The following IQANK1 variants were observed in gnomAD, a reference collection of about 807,000 sequenced individuals.
IQANK1 encodes the protein IQ motif and ankyrin repeat containing 1, also known as IQ motif and ankyrin repeat domain-containing protein 1.
Under a neutral mutation model 22.6 loss-of-function variants are expected in IQANK1, and 30 were observed. That is an observed-to-expected ratio of 1.33 (90% CI 0.99 to 1.80). The LOEUF (loss-of-function observed/expected upper bound fraction) is 1.80. IQANK1 is among the 40% of genes most tolerant of loss of function. IQANK1 has a pLI of 0.00. For missense variants in IQANK1, 275 were observed against 235.2 expected (o/e 1.17, Z -1.11); for synonymous variants, 122 against 99.6 (o/e 1.23, Z -1.34).
intron 3 of IQANK1, among the ~76,000 whole-genome samples, chr8:143,754,216 A>G (rs1290327113): frequency 1.3e-5 from 2 of 152,212 alleles, no homozygotes; most frequent in Non-Finnish European, 2.9e-5. Flanking sequence ...GGGAGGGGCC[A>G]TGACAATGGC....
intron 7 of IQANK1, among the ~76,000 whole-genome samples, chr8:143,787,145 G>A (rs190548087): frequency 2.7e-5 from 4 of 150,248 alleles, no homozygotes; most frequent in African/African-American, 4.9e-5. Flanking sequence ...GGCAGACGTG[G>A]GTTCAGTTTT....
intron 3 of IQANK1, among the ~76,000 whole-genome samples, chr8:143,749,599 A>AT (rs34038799): frequency 0.057 from 7,860 of 137,910 alleles, 352 homozygotes; most frequent in Non-Finnish European, 0.093. Context: ...TTATTTATTT[A>AT]TTTTTTTTTT....
chr8:143,769,248 A>T (rs1441593310), intron 3 of IQANK1, among the ~76,000 whole-genome samples: 1 of 152,048 alleles, frequency 6.6e-6, no homozygotes, highest in Non-Finnish European at 1.5e-5. Flanking sequence ...TTGTAGAGAC[A>T]GGGGTCTCCC....
chr8:143,748,796 T>A (rs1477433775), intron 3 of IQANK1, among the ~76,000 whole-genome samples: 2 of 114,916 alleles, frequency 1.7e-5, no homozygotes, highest in Non-Finnish European at 3.2e-5. Flanking sequence ...TATAAATATA[T>A]AAATATATAT....
intron 2 of IQANK1, among the ~76,000 whole-genome samples, chr8:143,738,656 C>T (rs1366909134): frequency 3.9e-5 from 6 of 152,230 alleles, no homozygotes; most frequent in East Asian, 1.9e-4. Context: ...TGCGCAGCAA[C>T]GGGCGTGCCT....
intron 7 of IQANK1, among the ~76,000 whole-genome samples, chr8:143,773,307 A>AAACAAAAAAAAC (rs797032966): frequency 0.037 from 5,277 of 143,264 alleles, 329 homozygotes; most frequent in African/African-American, 0.14. Context: ...ACTCAAAAAA[A>AAACAAAAAAAAC]AAAAAAAAAC....
rs57293834 is a variant in IQANK1, at chr8:143,775,823, C to CACACACACACA, written c.789+3341_789+3342insACACACACACA. Among the ~76,000 whole-genome samples, 55 of 140,938 alleles carry CACACACACACA rather than the reference C, an allele frequency of 3.9e-4. 2 individuals are homozygous for CACACACACACA. The highest frequency in any genetic ancestry group is 1.5e-3 in the African/African-American group (48 of 32,026). The allele number at this position is 140,938 out of a possible 152,430, so 92.5% of individuals were successfully genotyped here. A position where few individuals can be genotyped will look rare whatever the true frequency, so the allele number is the denominator to read the frequency against. On this transcript the variant is annotated intron_variant, in intron 7 of 13. Coordinates refer to ENST00000527139, the MANE Select transcript of IQANK1 (RefSeq NM_001381874.1). ...ACACACACACACACACACACACACACCATTCCTAAACTAGAGATGAAAACT... is the reference window on the plus strand; with the variant it reads ...ACACACACACACACACACACACACACACACACACACACATTCCTAAACTAGAGATGAAAACT...
chr8:143,743,841 T>C lies in IQANK1; in HGVS notation c.175+3893T>C, dbSNP rs1205051489. Reference sequence around the variant, plus strand: ...TAGTTTCTGAATACTTATTGGATTCTTTTTCTTTTTTTTTTGAGATGGAGT... The same window carrying C: ...TAGTTTCTGAATACTTATTGGATTCCTTTTCTTTTTTTTTTGAGATGGAGT... On this transcript the variant is annotated intron_variant, in intron 3 of 13. Transcript: ENST00000527139. 3 of 431,130 alleles carry C rather than the reference T, an allele frequency of 7.0e-6. No homozygotes were observed. In the East Asian group the frequency reaches 2.2e-4, roughly 31 times the overall value. 26.7% of individuals were successfully genotyped at this position (431,130 alleles called of 1,614,324 possible). A position where few individuals can be genotyped will look rare whatever the true frequency, so the allele number is the denominator to read the frequency against.
At chr8:143,789,363 C>A in intron 9 of IQANK1, 73 bp from the exon 10 acceptor site, 1 of 804,958 alleles carries the variant, frequency 1.2e-6, no homozygotes, top group Non-Finnish European at 1.7e-6. Context: ...TGTCCTCAGG[C>A]CCCTGGGCCA....
At chr8:143,787,819 C>T (rs570322935) in intron 7 of IQANK1, among the ~76,000 whole-genome samples, 3 of 151,978 alleles carry the variant, frequency 2.0e-5, no homozygotes, top group Admixed American at 1.3e-4. Context: ...GGAATGCGGC[C>T]GCTCACCCGC....
rs535780166 is a variant in IQANK1 at position 143,773,380 on chromosome 8, T to C, written c.789+898T>C. Reference sequence around the variant, plus strand: ...AGGCTGGAGACACAATGCCTGGACTTGTCCCAGGCCCAGGAGTGGGGTGGG... The same window carrying C: ...AGGCTGGAGACACAATGCCTGGACTCGTCCCAGGCCCAGGAGTGGGGTGGG... On this transcript the variant is annotated intron_variant, in intron 7 of 13. Transcript: ENST00000527139. 3.6e-3 allele frequency among the ~76,000 whole-genome samples: 552 copies of C among 151,820 alleles called. 1 individual carries two copies. Among genetic ancestry groups the C allele is most frequent in the Non-Finnish European group, 5.5e-3 (377 of 67,960 alleles).
In IQANK1 at chr8:143,789,037, G is replaced by C; in HGVS notation, c.912G>C (p.Lys304Asn). The C allele has an allele frequency of 2.5e-6, 1 of 400,418 alleles. No individual in the cohort carries two copies. Among genetic ancestry groups the C allele is most frequent in the Non-Finnish European group, 4.4e-6 (1 of 227,038 alleles). The allele number at this position is 400,418 out of a possible 1,614,324, so 24.8% of individuals were successfully genotyped here. A position where few individuals can be genotyped will look rare whatever the true frequency, so the allele number is the denominator to read the frequency against. The part of the protein sequence containing the change: ...QRRAQEAQRH[K>N]EAEAERCGSM... ...GGGCCCAGGAGGCCCAGAGGCACAA[G>C]GAGGCCGAGGCTGAGCGGTGTGGAA... Residue 304 changes from lysine (K) to asparagine (N), a missense_variant, in exon 8 of 14, where the codon AAG becomes AAC. By Grantham distance (94) the Lys-to-Asn change is moderately conservative (BLOSUM62 0). Coordinates refer to ENST00000527139, the MANE Select transcript of IQANK1 (RefSeq NM_001381874.1).
At chr8:143,751,625 AGTGTGTGTGTGTGT>A (rs1554628034) in intron 3 of IQANK1, among the ~76,000 whole-genome samples, 2 of 95,996 alleles carry the variant, frequency 2.1e-5, no homozygotes, top group African/African-American at 7.4e-5. Context: ...AAAAAAAAAA[AGTGTGTGTGTGTGT>A]GTGTGTGTGT....
At position 143,735,421 on chromosome 8, in the gene IQANK1, G is replaced by A. The variant is rs915281834; in HGVS notation, c.-4-429G>A. Among the ~76,000 whole-genome samples, 3 of 152,182 alleles carry A rather than the reference G, an allele frequency of 2.0e-5. No homozygotes were observed. The highest frequency in any genetic ancestry group is 4.4e-5 in the Non-Finnish European group (3 of 68,020). On this transcript the variant is annotated intron_variant, in intron 1 of 13. Coordinates refer to ENST00000527139, the MANE Select transcript of IQANK1 (RefSeq NM_001381874.1). The surrounding 1 kb of genome is among the most constrained non-coding windows in gnomAD (Gnocchi z 5.2). The stretch of plus-strand genomic sequence containing the variant: ...GGTGGGCTGGGGAGCAGGCTCAGGG[G>A]TGGGCTGGCTTCCCAGGGCAGTGGA...
chr8:143,772,609 G>A (rs1819603219), intron 7 of IQANK1, 127 bp downstream of exon 7: 6 of 397,332 alleles, frequency 1.5e-5, no homozygotes, highest in Non-Finnish European at 2.7e-5. Context: ...ACCCAGGCAG[G>A]GAAGGCTCAC....
intron 3 of IQANK1, among the ~76,000 whole-genome samples, chr8:143,767,872 G>A (rs1819505867): frequency 7.3e-6 from 1 of 136,780 alleles, no homozygotes; most frequent in African/African-American, 2.8e-5. Flanking sequence ...ACGATGGAGC[G>A]AGACCTTTTT....
chr8:143,768,605 GGGATTCTACT>G (rs1819520630), intron 3 of IQANK1, among the ~76,000 whole-genome samples: 1 of 151,622 alleles, frequency 6.6e-6, no homozygotes, highest in Non-Finnish European at 1.5e-5. Flanking sequence ...ACCCATTGAT[GGGATTCTACT>G]TTCCCTCCAC....
In IQANK1 at chr8:143,743,846, C is replaced by G. The variant is rs11991664; in HGVS notation, c.175+3898C>G. On this transcript the variant is annotated intron_variant, in intron 3 of 13. Transcript: ENST00000527139. ...TCTGAATACTTATTGGATTCTTTTT[C>G]TTTTTTTTTTGAGATGGAGTTTCGC... The G allele has an allele frequency of 3.0e-3, 1,153 of 379,264 alleles. 14 individuals carry two copies. The highest frequency in any genetic ancestry group is 0.021 in the African/African-American group (954 of 46,340). The allele number at this position is 379,264 out of a possible 1,614,324, so 23.5% of individuals were successfully genotyped here. A position where few individuals can be genotyped will look rare whatever the true frequency, so the allele number is the denominator to read the frequency against.
At chr8:143,787,345 A>T (rs1023161405) in intron 7 of IQANK1, among the ~76,000 whole-genome samples, 1 of 152,134 alleles carries the variant, frequency 6.6e-6, no homozygotes, top group Admixed American at 6.5e-5. Flanking sequence ...TGGATCCATC[A>T]GGTGGCCGTG....
Sources: allele counts gnomAD v4.1 joint callset (sites outside exome capture counted in the v4.1 genomes callset), GRCh38; gene constraint gnomAD v4.1.1; non-coding constraint Gnocchi (gnomAD v3.1); transcripts MANE v1.5; gene names NCBI Gene and HGNC (gene_info 2026-07-23, HGNC 2026-07-21).